Variants in CALD1 observed in about 807,000 individuals in gnomAD.
CALD1 encodes the protein caldesmon.
In CALD1, 33 loss-of-function variants were observed where a neutral mutation model predicts 99.9. That is an observed-to-expected ratio of 0.33 (90% CI 0.25 to 0.44). The LOEUF (loss-of-function observed/expected upper bound fraction) is 0.44. CALD1 is among the 20% of genes least tolerant of loss of function. CALD1 has a pLI of 1.00. For missense variants in CALD1, 861 were observed against 962.1 expected (o/e 0.89, Z 1.39); for synonymous variants, 310 against 325.0 (o/e 0.95, Z 0.50).
chr7:134,868,672 T>C (rs771233646), intron 3 of CALD1, among the ~76,000 whole-genome samples: 8 of 152,256 alleles, frequency 5.3e-5, no homozygotes, highest in Non-Finnish European at 1.0e-4. Flanking sequence ...ATTGTTCTTA[T>C]GTTCTACTTA....
At chr7:134,911,839 C>T (rs923767133) in intron 3 of CALD1, among the ~76,000 whole-genome samples, 3 of 152,124 alleles carry the variant, frequency 2.0e-5, no homozygotes, top group Non-Finnish European at 4.4e-5. Flanking sequence ...ACTTGACTTG[C>T]TTTCAAGAAA....
chr7:134,747,106 G>C (rs897000318), intron 1 of CALD1, among the ~76,000 whole-genome samples: 4 of 152,208 alleles, frequency 2.6e-5, no homozygotes, highest in Non-Finnish European at 5.9e-5. Flanking sequence ...ATGATTATTT[G>C]ATAAGAAGGT....
chr7:134,958,005 G>T, intron 9 of CALD1, 64 bp from the exon 10 acceptor site: 2 of 1,233,864 alleles, frequency 1.6e-6, no homozygotes, highest in Non-Finnish European at 2.4e-6. Context: ...ATTGGCCTGG[G>T]CTGAGAAACA....
intron 1 of CALD1, among the ~76,000 whole-genome samples, chr7:134,757,400 C>CT (rs1444588392): frequency 1.3e-5 from 2 of 152,178 alleles, no homozygotes; most frequent in Non-Finnish European, 2.9e-5. Context: ...ATAGATCCTA[C>CT]TATCTATCCT....
In CALD1 at chr7:134,970,687, G is replaced by T. The variant is rs1172579378; in HGVS notation, c.*2342G>T. On this transcript the variant is annotated 3_prime_UTR_variant, in exon 15 of 15. Transcript: ENST00000361675. ...TTATGTACAATATTGATAGTGAGAG[G>T]TATGTCTATTATAATAAAGATTATG... The T allele has an allele frequency of 6.6e-6, 1 of 152,430 alleles. No individual in the cohort carries two copies. The highest frequency in any genetic ancestry group is 1.5e-5 in the Non-Finnish European group (1 of 68,042). The allele number at this position is 152,430 out of a possible 1,614,324, so 9.4% of individuals were successfully genotyped here. A position where few individuals can be genotyped will look rare whatever the true frequency, so the allele number is the denominator to read the frequency against.
At chr7:134,745,686 C>G (rs975288393) in intron 1 of CALD1, 1 of 152,180 alleles carries the variant, frequency 6.6e-6, no homozygotes, top group Non-Finnish European at 1.5e-5. Flanking sequence ...TAAATTTTCC[C>G]TGGCTACATT....
intron 8 of CALD1, among the ~76,000 whole-genome samples, chr7:134,948,557 T>C (rs528975285): frequency 1.3e-5 from 2 of 152,220 alleles, no homozygotes; most frequent in South Asian, 2.1e-4. Flanking sequence ...AATCAAATAG[T>C]TTGAGTGACT....
intron 3 of CALD1, among the ~76,000 whole-genome samples, chr7:134,903,669 G>A (rs1168455500): frequency 6.6e-6 from 1 of 151,974 alleles, no homozygotes; most frequent in Non-Finnish European, 1.5e-5. Flanking sequence ...TCTGCCCTCT[G>A]TGCAGGTCTG....
intron 3 of CALD1, among the ~76,000 whole-genome samples, chr7:134,910,183 C>T (rs1205440995): frequency 1.3e-5 from 2 of 152,110 alleles, no homozygotes; most frequent in African/African-American, 2.4e-5. Flanking sequence ...TCACTAGCCC[C>T]GTAGAGATCC....
At chr7:134,811,153 CT>C (rs1239570893) in intron 1 of CALD1, among the ~76,000 whole-genome samples, 1 of 152,152 alleles carries the variant, frequency 6.6e-6, no homozygotes, top group African/African-American at 2.4e-5. Context: ...TTTATTGATC[CT>C]TGTATATCCT....
At chr7:134,789,314 G>C (rs781346021) in intron 1 of CALD1, among the ~76,000 whole-genome samples, 1 of 152,130 alleles carries the variant, frequency 6.6e-6, no homozygotes, top group Non-Finnish European at 1.5e-5. Flanking sequence ...ATCTAAACCC[G>C]GGATAATCTG....
chr7:134,747,498 CT>C (rs749739274), intron 1 of CALD1, among the ~76,000 whole-genome samples: 4 of 152,232 alleles, frequency 2.6e-5, no homozygotes, highest in South Asian at 4.1e-4. Flanking sequence ...AATCCAGGAC[CT>C]ATTGTTCGAG....
chr7:134,790,183 G>C (rs1797468654), intron 1 of CALD1, among the ~76,000 whole-genome samples: 1 of 151,880 alleles, frequency 6.6e-6, no homozygotes. Flanking sequence ...TTTATCTGGA[G>C]AAAAAGTACT....
chr7:134,906,906 G>A (rs1300423325), intron 3 of CALD1, among the ~76,000 whole-genome samples: 2 of 152,150 alleles, frequency 1.3e-5, no homozygotes, highest in East Asian at 1.9e-4. Context: ...GTGACATCTT[G>A]GAGAAAGAAG....
intron 7 of CALD1, 72 bp downstream of exon 7, chr7:134,941,309 C>A: frequency 8.1e-7 from 1 of 1,238,482 alleles, no homozygotes; most frequent in Non-Finnish European, 1.1e-6. Flanking sequence ...TCAGTCTTCC[C>A]ATCCTGTGCT....
chr7:134,962,011 T>C (rs537603338), intron 13 of CALD1: 2 of 152,278 alleles, frequency 1.3e-5, no homozygotes, highest in South Asian at 4.1e-4. Flanking sequence ...AGGCAGTCTA[T>C]GGACCTACTG....
chr7:134,760,817 G>C (rs553457362), intron 1 of CALD1, among the ~76,000 whole-genome samples: 1 of 152,290 alleles, frequency 6.6e-6, no homozygotes, highest in East Asian at 1.9e-4. Flanking sequence ...AAAGAACAAA[G>C]TTCCAGAATG....
At chr7:134,952,005 T>A (rs1383208287) in intron 9 of CALD1, among the ~76,000 whole-genome samples, 1 of 152,152 alleles carries the variant, frequency 6.6e-6, no homozygotes, top group African/African-American at 2.4e-5. Flanking sequence ...CATGAGAGAA[T>A]TATACCCAGG....
chr7:134,895,119 A>G (rs1802469799), intron 3 of CALD1, among the ~76,000 whole-genome samples: 1 of 151,274 alleles, frequency 6.6e-6, no homozygotes, highest in Non-Finnish European at 1.5e-5. Flanking sequence ...ATAAATAAAT[A>G]AATAAATAAA....
Sources: gnomAD v4.1 joint callset for allele counts (sites outside exome capture counted in the v4.1 genomes callset) on GRCh38, gnomAD v4.1.1 for gene constraint, MANE v1.5 for transcripts, NCBI Gene and HGNC (gene_info 2026-07-23, HGNC 2026-07-21) for gene names.